Variants in GNL3L observed in about 807,000 individuals in gnomAD.
The protein encoded by GNL3L is guanine nucleotide-binding protein-like 3-like protein.
Under a neutral mutation model 42.9 loss-of-function variants are expected in GNL3L, and 4 were observed. The observed-to-expected ratio is 0.09, with a 90% CI of 0.05 to 0.21. The LOEUF is 0.21. GNL3L is among the 10% of genes least tolerant of loss of function. The probability of loss-of-function intolerance (pLI) is 1.00; values close to 1 mark genes in which losing one functional copy is unlikely to be tolerated. For missense variants in GNL3L, 412 were observed against 481.7 expected, an observed-to-expected ratio of 0.86 and a Z score of 1.36; for synonymous variants, 159 against 176.3, an observed-to-expected ratio of 0.90 and a Z score of 0.78.
At chrX:54,589,371 C>A (rs777933154) in intron 16 of GNL3L, among the ~76,000 whole-genome samples, 1 of 110,669 alleles carries the variant, frequency 9.0e-6, no homozygotes, top group Non-Finnish European at 1.9e-5. Context: ...TTAACCATCC[C>A]TACTTCCCCT....
chrX:54,600,383 T>G (rs1925991644), intron 16 of GNL3L, among the ~76,000 whole-genome samples: 1 of 107,854 alleles, frequency 9.3e-6, no homozygotes, highest in Non-Finnish European at 1.9e-5. Context: ...TGTGCCACCA[T>G]GCCCAGCTAA....
intron 16 of GNL3L, among the ~76,000 whole-genome samples, chrX:54,574,435 A>T (rs1323703230): frequency 8.9e-6 from 1 of 112,236 alleles, no homozygotes; most frequent in Non-Finnish European, 1.9e-5. Context: ...GTATTGCATT[A>T]ATTGATCTTT....
rs1156467112 is a variant in GNL3L at position 54,535,929 on chromosome X, A to AT, written c.20-3096dup. 4.6e-3 allele frequency among the ~76,000 whole-genome samples: 437 copies of AT among 94,481 alleles called. 3 individuals carry two copies. The highest frequency in any genetic ancestry group is 0.016 in the African/African-American group (373 of 24,025). 82.0% of individuals were successfully genotyped at this position (94,481 alleles called of 115,157 possible). On this transcript the variant is annotated intron_variant, in intron 2 of 15. Transcript: ENST00000360845. ...AAACATGTGCCATCACACCTGGCTA[A>AT]TTTTTTTTTTTTTTTGAGACAAGAG...
At chrX:54,542,882 A>C in intron 5 of GNL3L, 73 bp from the exon 6 acceptor site, 1 of 634,872 alleles carries the variant, frequency 1.6e-6, no homozygotes, top group Non-Finnish European at 2.6e-6. Flanking sequence ...CCTATAGTTT[A>C]AAAAGCCCTG....
intron 2 of GNL3L, among the ~76,000 whole-genome samples, chrX:54,536,798 A>C (rs1216586932): frequency 9.5e-6 from 1 of 105,054 alleles, no homozygotes; most frequent in East Asian, 3.0e-4. Flanking sequence ...AAAAAAAAAA[A>C]ACAGAGAGAG....
At chrX:54,619,040 C>T (rs1236607340) in intron 16 of GNL3L, among the ~76,000 whole-genome samples, 13 of 111,997 alleles carry the variant, frequency 1.2e-4, no homozygotes, top group African/African-American at 4.2e-4. Context: ...GACACTCATA[C>T]ACAGATGGTG....
intron 16 of GNL3L, among the ~76,000 whole-genome samples, chrX:54,617,958 G>A (rs894902232): frequency 9.0e-6 from 1 of 111,723 alleles, no homozygotes; most frequent in Non-Finnish European, 1.9e-5. Flanking sequence ...GTCTCTTTCA[G>A]TCTTCTTCAT....
chrX:54,544,594 A>C (rs12392453), intron 8 of GNL3L, among the ~76,000 whole-genome samples: 1 of 106,708 alleles, frequency 9.4e-6, no homozygotes, highest in Non-Finnish European at 1.9e-5. Flanking sequence ...CTCAGCCTCC[A>C]AAGTAGCTGG....
intron 14 of GNL3L, among the ~76,000 whole-genome samples, chrX:54,556,046 C>T (rs1053527723): frequency 3.0e-4 from 33 of 110,546 alleles, no homozygotes; most frequent in African/African-American, 1.1e-3. Context: ...ACATAGGGTG[C>T]GGATAGGGGT....
At chrX:54,541,424 C>T in intron 5 of GNL3L, 35 bp downstream of exon 5, 1 of 890,335 alleles carries the variant, frequency 1.1e-6, no homozygotes, top group Non-Finnish European at 1.6e-6. Context: ...GGTAGGTTTG[C>T]TCAAAGCATC....
chrX:54,547,676 G>A (rs1196891212), intron 8 of GNL3L, among the ~76,000 whole-genome samples: 2 of 111,737 alleles, frequency 1.8e-5, no homozygotes, highest in Non-Finnish European at 3.8e-5. Flanking sequence ...CCACACTCCT[G>A]CCTGGGTGAC....
intron 16 of GNL3L, among the ~76,000 whole-genome samples, chrX:54,608,510 A>G (rs879085719): frequency 6.2e-5 from 6 of 97,535 alleles, no homozygotes; most frequent in African/African-American, 2.3e-4. Context: ...CCCCCCTCCT[A>G]CTCTTTCCCC....
At position 54,551,595 on chromosome X, in the gene GNL3L, G is replaced by A. The variant is rs760368161; in HGVS notation, c.891G>A (p.Lys297=). Residue 297 remains lysine (K), a synonymous_variant, in exon 11 of 16, where the codon AAG becomes AAA. Coordinates refer to ENST00000360845, the MANE Select transcript of GNL3L (RefSeq NM_001184819.2). ...TKFMQEVYLD[K]FIRLLDAPGI... ...TCATGCAGGAGGTCTACCTGGACAA[G>A]TTCATCCGGCTCTTGGATGCTCCAG... 9 of 1,209,363 alleles carry A rather than the reference G, an allele frequency of 7.4e-6. No individual in the cohort carries two copies. In the South Asian group the frequency reaches 1.1e-4, roughly 14 times the overall value.
the GNL3L span, among the ~76,000 whole-genome samples, chrX:54,627,629 A>T: frequency 1.8e-5 from 2 of 110,458 alleles, no homozygotes; most frequent in Non-Finnish European, 3.8e-5. Context: ...TATTTTTTGG[A>T]TGTAGGCATT....
At chrX:54,599,708 C>G (rs988490885) in intron 16 of GNL3L, among the ~76,000 whole-genome samples, 3 of 110,739 alleles carry the variant, frequency 2.7e-5, no homozygotes, top group African/African-American at 9.8e-5. Context: ...TTGTCTCTTG[C>G]TATAGTTCCA....
Position 54,564,533 on chromosome X carries a change from G to C in GNL3L, c.*3931G>C, listed in dbSNP as rs1431050564. ...AGCGGTTCTCCTGCCTCAGCCTCCC[G>C]AGTAGCTGGGATTATGGGCGCCCGC... On this transcript the variant is annotated 3_prime_UTR_variant, in exon 16 of 16. Transcript: ENST00000360845. Among the ~76,000 whole-genome samples the C allele has an allele frequency of 9.8e-6, 1 of 102,092 alleles. No homozygotes were observed. Among genetic ancestry groups the C allele is most frequent in the Non-Finnish European group, 2.0e-5 (1 of 50,859 alleles). 88.7% of individuals were successfully genotyped at this position (102,092 alleles called of 115,157 possible). A position where few individuals can be genotyped will look rare whatever the true frequency, so the allele number is the denominator to read the frequency against.
intron 8 of GNL3L, among the ~76,000 whole-genome samples, chrX:54,546,365 C>A (rs1056606341): frequency 9.0e-6 from 1 of 111,191 alleles, no homozygotes; most frequent in Admixed American, 9.6e-5. Context: ...TCCACAAATA[C>A]CCTTGTACAT....
chrX:54,544,686 C>G (rs1008460069), intron 8 of GNL3L, among the ~76,000 whole-genome samples: 1 of 109,805 alleles, frequency 9.1e-6, no homozygotes, highest in African/African-American at 3.3e-5. Context: ...CCATGTTGAC[C>G]AGGCTGGTCT....
intron 16 of GNL3L, among the ~76,000 whole-genome samples, chrX:54,616,577 GTT>G (rs1926222614): frequency 9.0e-6 from 1 of 111,681 alleles, no homozygotes; most frequent in South Asian, 3.7e-4. Flanking sequence ...TCCCGTTTTA[GTT>G]TTTTCCCCCC....
Sources: allele counts gnomAD v4.1 joint callset (sites outside exome capture counted in the v4.1 genomes callset), GRCh38; gene constraint gnomAD v4.1.1; transcripts MANE v1.5; gene names NCBI Gene and HGNC (gene_info 2026-07-23, HGNC 2026-07-21).